The following CHODL variants were observed in gnomAD, a reference collection of about 807,000 sequenced individuals.
The protein encoded by CHODL is chondrolectin.
In CHODL, 29 loss-of-function variants were observed where a neutral mutation model predicts 34.5. The observed-to-expected ratio is 0.84, with a 90% CI of 0.63 to 1.15. The LOEUF (loss-of-function observed/expected upper bound fraction) is 1.15, where lower values mean the gene tolerates loss of function less well. CHODL is among the 50% of genes most tolerant of loss of function. CHODL has a pLI of 0.00. For synonymous variants in CHODL, 125 were observed against 116.1 expected (o/e 1.08, Z -0.49); for missense variants, 332 against 332.5 (o/e 1.00, Z 0.01).
intron 1 of CHODL, among the ~76,000 whole-genome samples, chr21:17,977,324 T>G (rs111730425): frequency 6.6e-6 from 1 of 151,998 alleles, no homozygotes; most frequent in Non-Finnish European, 1.5e-5. Context: ...AGAAATAACA[T>G]GCTTTGGGAT....
chr21:18,261,360 T>TTAAA (rs529669826), intron 4 of CHODL, among the ~76,000 whole-genome samples: 6 of 137,808 alleles, frequency 4.4e-5, no homozygotes, highest in African/African-American at 1.6e-4. Context: ...TAAAGTATGA[T>TTAAA]AAAAAAAAAA....
At chr21:18,182,266 C>T (rs528408950) in intron 2 of CHODL, among the ~76,000 whole-genome samples, 1 of 152,228 alleles carries the variant, frequency 6.6e-6, no homozygotes, top group African/African-American at 2.4e-5. Flanking sequence ...GAGGTTCAGA[C>T]AATTTAAGAT....
intron 2 of CHODL, among the ~76,000 whole-genome samples, chr21:18,103,238 A>G (rs530094287): frequency 6.6e-6 from 1 of 152,306 alleles, no homozygotes; most frequent in East Asian, 1.9e-4. Context: ...TTCTACAAAA[A>G]TGAGATGTTA....
chr21:17,998,871 G>T (rs1027672201), intron 1 of CHODL, among the ~76,000 whole-genome samples: 1 of 152,206 alleles, frequency 6.6e-6, no homozygotes, highest in African/African-American at 2.4e-5. Context: ...TCTGACATGG[G>T]CTGGAGATGT....
chr21:18,264,078 A>G (rs2074416769), intron 5 of CHODL, among the ~76,000 whole-genome samples: 1 of 152,162 alleles, frequency 6.6e-6, no homozygotes, highest in Admixed American at 6.5e-5. Flanking sequence ...CAAAACAGCT[A>G]AATCTAAGTG....
chr21:17,917,876 C>CGTGTGTGTGT lies in CHODL; in HGVS notation c.-145+481_-145+490dup, dbSNP rs138828872. 1.6e-3 allele frequency among the ~76,000 whole-genome samples: 246 copies of CGTGTGTGTGT among 150,816 alleles called. 1 individual carries two copies. The highest frequency in any genetic ancestry group is 5.7e-3 in the South Asian group (27 of 4,736). The stretch of plus-strand genomic sequence containing the variant: ...TCTTCTGTTGTCTCTCTCTGATATG[C>CGTGTGTGTGT]GTGTGTGTGTGTGTATGTGTGTGTG... On this transcript the variant is annotated intron_variant, in intron 1 of 6. Coordinates refer to the CHODL transcript ENST00000400127.
chr21:17,923,662 C>T (rs1156558374), intron 1 of CHODL, among the ~76,000 whole-genome samples: 3 of 151,982 alleles, frequency 2.0e-5, no homozygotes, highest in Admixed American at 1.3e-4. Context: ...GGGGTTTCAC[C>T]ATGTTGGTCA....
intron 1 of CHODL, among the ~76,000 whole-genome samples, chr21:17,977,401 C>T (rs1386190345): frequency 1.4e-5 from 2 of 145,366 alleles, no homozygotes; most frequent in African/African-American, 5.1e-5. Flanking sequence ...CTCTCTCGCT[C>T]TGTCACCAGG....
chr21:18,165,240 C>G (rs1251243447), intron 2 of CHODL, among the ~76,000 whole-genome samples: 1 of 152,164 alleles, frequency 6.6e-6, no homozygotes, highest in African/African-American at 2.4e-5. Flanking sequence ...GCCATCATCC[C>G]CTCTTGACAG....
chr21:18,088,194 G>A lies in CHODL; in HGVS notation c.-45+60223G>A, dbSNP rs145930236. ...TATCAGCCTGGTTTCCCTGAGGACC[G>A]GAGAGGGTGAGGTCTCTCCTAGGCA... On this transcript the variant is annotated intron_variant, in intron 2 of 6. Coordinates refer to the CHODL transcript ENST00000400127. Among the ~76,000 whole-genome samples, 750 of 152,204 alleles carry A rather than the reference G, an allele frequency of 4.9e-3. 11 individuals carry two copies. Among genetic ancestry groups the A allele is most frequent in the East Asian group, 5.0e-3 (26 of 5,174 alleles).
intron 2 of CHODL, among the ~76,000 whole-genome samples, chr21:18,113,348 G>GC (rs36094590): frequency 6.6e-6 from 1 of 152,014 alleles, no homozygotes; most frequent in East Asian, 1.9e-4. Flanking sequence ...CAGTCTGGGG[G>GC]ACCTCAAAAA....
chr21:18,011,339 A>G lies in CHODL; in HGVS notation c.-144-16533A>G, dbSNP rs1236283234. 2.0e-5 allele frequency among the ~76,000 whole-genome samples: 3 copies of G among 152,202 alleles called. 1 individual carries two copies. Among genetic ancestry groups the G allele is most frequent in the Non-Finnish European group, 2.9e-5 (2 of 68,034 alleles). ...TAAATAGTTTGTTGTAATCAGTGCT[A>G]TGGTCTGAGTAGACAGCAAGGCAAG... On this transcript the variant is annotated intron_variant, in intron 1 of 6. Coordinates refer to the CHODL transcript ENST00000400127.
chr21:18,194,990 A>G (rs546218814), intron 2 of CHODL, among the ~76,000 whole-genome samples: 5 of 151,960 alleles, frequency 3.3e-5, no homozygotes, highest in South Asian at 2.1e-4. Context: ...TCATTTTGCA[A>G]TTTTCAAGAA....
intron 2 of CHODL, among the ~76,000 whole-genome samples, chr21:18,146,037 C>T (rs1207073315): frequency 6.6e-6 from 1 of 152,030 alleles, no homozygotes; most frequent in Non-Finnish European, 1.5e-5. Flanking sequence ...GGAGCAATCT[C>T]GGATCATTGC....
At chr21:18,166,413 T>G (rs2073154121) in intron 2 of CHODL, among the ~76,000 whole-genome samples, 2 of 152,154 alleles carry the variant, frequency 1.3e-5, no homozygotes, top group South Asian at 4.1e-4. Flanking sequence ...TGTAACATGG[T>G]ACAATCAAGG....
At chr21:18,191,193 T>G (rs1175595743) in intron 2 of CHODL, among the ~76,000 whole-genome samples, 3 of 152,182 alleles carry the variant, frequency 2.0e-5, no homozygotes. Flanking sequence ...CAAGGGTGAT[T>G]TAAAAACTCT....
chr21:18,173,079 T>C (rs1225282040), intron 2 of CHODL, among the ~76,000 whole-genome samples: 1 of 152,178 alleles, frequency 6.6e-6, no homozygotes, highest in East Asian at 1.9e-4. Flanking sequence ...AGAAATATAA[T>C]ATCCCTCTCA....
chr21:18,164,380 A>G (rs1189853509), intron 2 of CHODL, among the ~76,000 whole-genome samples: 1 of 152,258 alleles, frequency 6.6e-6, no homozygotes, highest in African/African-American at 2.4e-5. Context: ...CAATATAAGT[A>G]GGATCTAGAC....
chr21:18,108,684 A>C (rs1320491878), intron 2 of CHODL, among the ~76,000 whole-genome samples: 1 of 152,214 alleles, frequency 6.6e-6, no homozygotes, highest in Non-Finnish European at 1.5e-5. Flanking sequence ...ATGAATTAAA[A>C]TTTGGTCATT....
Sources: allele counts gnomAD v4.1 joint callset (sites outside exome capture counted in the v4.1 genomes callset), GRCh38; gene constraint gnomAD v4.1.1; transcripts MANE v1.5; gene names NCBI Gene and HGNC (gene_info 2026-07-23, HGNC 2026-07-21).